The following SV2C variants were observed in gnomAD, a reference collection of about 807,000 sequenced individuals.
SV2C encodes the protein solute carrier family 22 member B3.
A neutral mutation model predicts 79.7 loss-of-function variants in SV2C; 49 were observed. The observed-to-expected ratio is 0.61, with a 90% CI of 0.49 to 0.78. The LOEUF (loss-of-function observed/expected upper bound fraction) is 0.78. SV2C is among the 30% of genes least tolerant of loss of function. The probability of loss-of-function intolerance (pLI) is 0.00; values close to 1 mark genes in which losing one functional copy is unlikely to be tolerated. For missense variants in SV2C, 833 were observed against 912.9 expected, an observed-to-expected ratio of 0.91 and a Z score of 1.13; for synonymous variants, 334 against 333.2, an observed-to-expected ratio of 1.00 and a Z score of -0.03.
At chr5:76,144,305 C>G (rs17651115) in intron 2 of SV2C, among the ~76,000 whole-genome samples, 68,018 of 151,976 alleles carry the variant, frequency 0.45, 17,557 homozygotes, top group Non-Finnish European at 0.59. Flanking sequence ...CTGCTGAAAA[C>G]CCTAACGAAA....
the SV2C span, among the ~76,000 whole-genome samples, chr5:75,948,697 T>C: frequency 6.6e-6 from 1 of 151,900 alleles, no homozygotes; most frequent in African/African-American, 2.4e-5. Flanking sequence ...GAAGGGATGT[T>C]TAAGGAAAGA....
chr5:75,971,822 C>G, the SV2C span, among the ~76,000 whole-genome samples: 1 of 152,046 alleles, frequency 6.6e-6, no homozygotes, highest in African/African-American at 2.4e-5. Context: ...TTGGAAAAAA[C>G]TACTTGAAAG....
the SV2C span, among the ~76,000 whole-genome samples, chr5:76,009,264 G>A: frequency 2.6e-5 from 4 of 152,184 alleles, no homozygotes; most frequent in Non-Finnish European, 5.9e-5. Flanking sequence ...AAAAACAACA[G>A]ATGTTGGTGA....
At chr5:76,309,725 G>C (rs930228977) in intron 12 of SV2C, among the ~76,000 whole-genome samples, 1 of 151,918 alleles carries the variant, frequency 6.6e-6, no homozygotes, top group African/African-American at 2.4e-5. Flanking sequence ...CTTGGTGCTT[G>C]ATTAGATGTT....
intron 2 of SV2C, among the ~76,000 whole-genome samples, chr5:76,189,447 C>T (rs1379285547): frequency 6.6e-6 from 1 of 152,160 alleles, no homozygotes; most frequent in African/African-American, 2.4e-5. Context: ...AAGCACAAAG[C>T]ATACTTTTAG....
chr5:75,950,375 C>T, the SV2C span, among the ~76,000 whole-genome samples: 4 of 151,974 alleles, frequency 2.6e-5, no homozygotes, highest in Admixed American at 6.6e-5. Context: ...AAAGACCCCA[C>T]ATGGAGGGGA....
chr5:76,229,757 G>A (rs1384283062), intron 4 of SV2C, among the ~76,000 whole-genome samples: 2 of 152,246 alleles, frequency 1.3e-5, no homozygotes, highest in African/African-American at 4.8e-5. Context: ...TCAAAGTCAT[G>A]CTGAGGCTGG....
the SV2C span, among the ~76,000 whole-genome samples, chr5:76,036,199 A>G: frequency 6.6e-6 from 1 of 151,664 alleles, no homozygotes; most frequent in African/African-American, 2.4e-5. Flanking sequence ...TCTTTATCCA[A>G]TTTGCCAGTC....
chr5:76,157,983 T>C (rs931386961), intron 2 of SV2C, among the ~76,000 whole-genome samples: 2 of 151,828 alleles, frequency 1.3e-5, no homozygotes, highest in African/African-American at 4.8e-5. Flanking sequence ...AAGCTGATTC[T>C]GATAAGATGT....
chr5:75,852,812 C>G, the SV2C span, among the ~76,000 whole-genome samples: 3 of 126,394 alleles, frequency 2.4e-5, no homozygotes, highest in African/African-American at 9.9e-5. Context: ...GGCGACAGAG[C>G]GAGACTCCGT....
chr5:76,318,341 C>G (rs1055619755), intron 12 of SV2C, among the ~76,000 whole-genome samples: 1 of 152,068 alleles, frequency 6.6e-6, no homozygotes, highest in Admixed American at 6.6e-5. Flanking sequence ...TCATTTGAAC[C>G]TGGGAGGCGG....
chr5:76,076,080 A>G, the SV2C span, among the ~76,000 whole-genome samples: 1 of 152,258 alleles, frequency 6.6e-6, no homozygotes, highest in East Asian at 1.9e-4. Flanking sequence ...TGGAATGAGC[A>G]TTAATAGAAG....
the SV2C span, among the ~76,000 whole-genome samples, chr5:75,865,510 AGAT>A: frequency 6.6e-6 from 1 of 152,218 alleles, no homozygotes; most frequent in East Asian, 1.9e-4. Flanking sequence ...TGGCCTTGAA[AGAT>A]GATGTAGAAG....
the SV2C span, among the ~76,000 whole-genome samples, chr5:75,899,234 C>T: frequency 6.6e-6 from 1 of 152,312 alleles, no homozygotes; most frequent in South Asian, 2.1e-4. Flanking sequence ...CTACACACTG[C>T]TTTGAATGTG....
chr5:75,900,162 A>T, the SV2C span, among the ~76,000 whole-genome samples: 1 of 152,130 alleles, frequency 6.6e-6, no homozygotes, highest in East Asian at 1.9e-4. Flanking sequence ...CCTAGCCTCG[A>T]TGGTCTTTAC....
chr5:76,190,256 T>C lies in SV2C; in HGVS notation c.581-4663T>C, dbSNP rs552159072. ...GACCACTGCAATGGGTTTTGCAGTATAAAAGAGAGATCAGGCTCAACTCCT... is the reference window on the plus strand; with the variant it reads ...GACCACTGCAATGGGTTTTGCAGTACAAAAGAGAGATCAGGCTCAACTCCT... On this transcript the variant is annotated intron_variant, in intron 2 of 12. Coordinates refer to ENST00000502798, the MANE Select transcript of SV2C (RefSeq NM_014979.4). Among the ~76,000 whole-genome samples, 8 of 152,294 alleles carry C rather than the reference T, an allele frequency of 5.3e-5. No individual in the cohort carries two copies. In the East Asian group the frequency reaches 1.5e-3, roughly 29 times the overall value.
chr5:76,321,563 A>C (rs1748830126), intron 12 of SV2C, among the ~76,000 whole-genome samples: 1 of 151,938 alleles, frequency 6.6e-6, no homozygotes, highest in South Asian at 2.1e-4. Flanking sequence ...AATATGATGA[A>C]ACCCCATCTC....
At chr5:76,115,636 T>C (rs931168417) in intron 1 of SV2C, among the ~76,000 whole-genome samples, 5 of 152,152 alleles carry the variant, frequency 3.3e-5, no homozygotes, top group Non-Finnish European at 7.4e-5. Flanking sequence ...GGATAACAAA[T>C]GTGAAAGAGC....
At chr5:76,202,521 C>A (rs888794656) in intron 3 of SV2C, among the ~76,000 whole-genome samples, 2 of 152,172 alleles carry the variant, frequency 1.3e-5, no homozygotes, top group African/African-American at 2.4e-5. Flanking sequence ...TCTCTGATTT[C>A]ATATGGCACA....
Sources: allele counts gnomAD v4.1 joint callset (sites outside exome capture counted in the v4.1 genomes callset), GRCh38; gene constraint gnomAD v4.1.1; transcripts MANE v1.5; gene names NCBI Gene and HGNC (gene_info 2026-07-23, HGNC 2026-07-21).